Variants in GMDS observed in about 807,000 individuals in gnomAD.
The protein encoded by GMDS is GDP-mannose 4,6-dehydratase, also known as GDP-mannose 4,6 dehydratase.
A neutral mutation model predicts 49.9 loss-of-function variants in GMDS; 20 were observed. The ratio of observed to expected loss-of-function variants is 0.40; its 90% CI spans 0.28 to 0.58. The LOEUF is 0.58. GMDS is among the 20% of genes least tolerant of loss of function. The probability of loss-of-function intolerance (pLI) is 0.42; values close to 1 mark genes in which losing one functional copy is unlikely to be tolerated. For synonymous variants in GMDS, 177 were observed against 178.6 expected (o/e 0.99, Z 0.07); for missense variants, 362 against 481.4 (o/e 0.75, Z 2.32).
At chr6:1,853,262 T>A (rs1329832467) in intron 7 of GMDS, among the ~76,000 whole-genome samples, 1 of 151,342 alleles carries the variant, frequency 6.6e-6, no homozygotes, top group East Asian at 2.0e-4. Context: ...CTCATGCCTG[T>A]AATCCCAGCA....
intron 1 of GMDS, among the ~76,000 whole-genome samples, chr6:2,170,724 G>A (rs4959644): frequency 0.041 from 6,174 of 152,164 alleles, 253 homozygotes; most frequent in South Asian, 0.13. Flanking sequence ...GGCCAGGCGC[G>A]GTGGTTCACG....
intron 4 of GMDS, among the ~76,000 whole-genome samples, chr6:2,074,093 C>A (rs1195054356): frequency 3.9e-5 from 6 of 152,190 alleles, no homozygotes; most frequent in Non-Finnish European, 8.8e-5. Flanking sequence ...AATATCCATA[C>A]TGTTTTCCAT....
At chr6:2,193,854 G>A (rs1779163891) in intron 1 of GMDS, among the ~76,000 whole-genome samples, 1 of 150,188 alleles carries the variant, frequency 6.7e-6, no homozygotes, top group Non-Finnish European at 1.5e-5. Flanking sequence ...CTCCCAAGTA[G>A]GTGGAACTAC....
intron 9 of GMDS, among the ~76,000 whole-genome samples, chr6:1,720,242 C>A (rs979434653): frequency 4.6e-5 from 7 of 152,002 alleles, no homozygotes; most frequent in African/African-American, 7.3e-5. Flanking sequence ...GGGAGAGCAA[C>A]CGAGGAAAGA....
At chr6:2,064,334 T>A (rs1771393953) in intron 4 of GMDS, among the ~76,000 whole-genome samples, 2 of 152,018 alleles carry the variant, frequency 1.3e-5, no homozygotes, top group Non-Finnish European at 2.9e-5. Flanking sequence ...ATTTTGGAAA[T>A]CAGAATAAGA....
intron 4 of GMDS, among the ~76,000 whole-genome samples, chr6:2,037,945 G>C (rs1581554729): frequency 6.6e-6 from 1 of 152,130 alleles, no homozygotes; most frequent in South Asian, 2.1e-4. Flanking sequence ...CTAGTATAAT[G>C]GTTGTTTCCA....
At chr6:1,739,958 A>C (rs780448830) in intron 8 of GMDS, among the ~76,000 whole-genome samples, 12 of 152,232 alleles carry the variant, frequency 7.9e-5, no homozygotes, top group African/African-American at 2.4e-5. Flanking sequence ...ATTAGCATAG[A>C]TACTTCACAC....
At chr6:1,991,830 G>A (rs1043945886) in intron 4 of GMDS, among the ~76,000 whole-genome samples, 11 of 152,180 alleles carry the variant, frequency 7.2e-5, no homozygotes, top group Non-Finnish European at 1.5e-4. Context: ...GTCATACAGG[G>A]GTAGGGTTGG....
intron 4 of GMDS, among the ~76,000 whole-genome samples, chr6:1,965,118 G>A (rs1250023825): frequency 1.3e-5 from 2 of 151,966 alleles, no homozygotes; most frequent in East Asian, 3.9e-4. Context: ...ATTGTGAATA[G>A]TGCTGCAATA....
At chr6:2,202,243 G>C (rs1684164) in intron 1 of GMDS, among the ~76,000 whole-genome samples, 166 of 143,614 alleles carry the variant, frequency 1.2e-3, no homozygotes, top group Admixed American at 2.7e-3. Context: ...AGGATGAAGA[G>C]AGAGCACCAC....
intron 4 of GMDS, among the ~76,000 whole-genome samples, chr6:2,004,933 A>T (rs1767060492): frequency 2.0e-5 from 3 of 152,334 alleles, no homozygotes; most frequent in Admixed American, 1.3e-4. Context: ...CTGGAATTAA[A>T]CTAATAAAAT....
intron 4 of GMDS, among the ~76,000 whole-genome samples, chr6:1,988,712 T>C (rs1765725288): frequency 6.6e-6 from 1 of 152,144 alleles, no homozygotes; most frequent in South Asian, 2.1e-4. Flanking sequence ...AAAAACAATA[T>C]TTAAAAACAG....
intron 4 of GMDS, among the ~76,000 whole-genome samples, chr6:2,079,889 AT>A (rs1192746417): frequency 6.6e-6 from 1 of 152,206 alleles, no homozygotes; most frequent in Non-Finnish European, 1.5e-5. Context: ...TAACAAAAAA[AT>A]AGATGAGTTT....
intron 1 of GMDS, among the ~76,000 whole-genome samples, chr6:2,125,927 C>T (rs909640665): frequency 2.6e-5 from 4 of 152,078 alleles, no homozygotes; most frequent in Admixed American, 1.3e-4. Flanking sequence ...TTTATAAAAT[C>T]GTATTTCCTT....
At chr6:1,693,328 C>T (rs942374836) in intron 9 of GMDS, among the ~76,000 whole-genome samples, 44 of 152,208 alleles carry the variant, frequency 2.9e-4, no homozygotes, top group Non-Finnish European at 8.8e-5. Flanking sequence ...ATCTCTGGAG[C>T]AATCACTGCA....
At chr6:2,043,375 A>G (rs1053073489) in intron 4 of GMDS, 1 of 152,240 alleles carries the variant, frequency 6.6e-6, no homozygotes, top group African/African-American at 2.4e-5. Flanking sequence ...TCATCTCAGC[A>G]GTCTCAACAC....
At chr6:2,216,120 TTAAA>T (rs1780322446) in intron 1 of GMDS, among the ~76,000 whole-genome samples, 7 of 152,184 alleles carry the variant, frequency 4.6e-5, no homozygotes, top group Admixed American at 4.6e-4. Context: ...AATAAAAAGT[TTAAA>T]TAAATAAGGC....
At chr6:2,103,141 G>A (rs1774019905) in intron 4 of GMDS, among the ~76,000 whole-genome samples, 1 of 152,110 alleles carries the variant, frequency 6.6e-6, no homozygotes, top group Non-Finnish European at 1.5e-5. Context: ...AGTACACAGC[G>A]TACGATGCTG....
intron 7 of GMDS, among the ~76,000 whole-genome samples, chr6:1,845,691 A>G (rs574547960): frequency 6.6e-6 from 1 of 152,248 alleles, no homozygotes; most frequent in East Asian, 1.9e-4. Context: ...AAACTGTTCC[A>G]CCTCAGATCA....
Sources: allele counts gnomAD v4.1 joint callset (sites outside exome capture counted in the v4.1 genomes callset), GRCh38; gene constraint gnomAD v4.1.1; transcripts MANE v1.5; gene names NCBI Gene and HGNC (gene_info 2026-07-23, HGNC 2026-07-21).